Variants in THG1L observed in about 807,000 individuals in gnomAD.
THG1L encodes the protein tRNA-histidine guanylyltransferase 1 like.
A neutral mutation model predicts 35.2 loss-of-function variants in THG1L; 27 were observed. The observed-to-expected ratio is 0.77, with a 90% CI of 0.57 to 1.06. The LOEUF (loss-of-function observed/expected upper bound fraction) is 1.06, where lower values mean the gene tolerates loss of function less well. THG1L is among the 50% of genes least tolerant of loss of function. The pLI is 0.00. For missense variants in THG1L, 377 were observed against 371.8 expected, an observed-to-expected ratio of 1.01 and a Z score of -0.12; for synonymous variants, 135 against 132.4, an observed-to-expected ratio of 1.02 and a Z score of -0.14.
chr5:157,736,078 G>C lies in THG1L; in HGVS notation c.627+144G>C. ...TTGAAAGGATATAAAAATCATAATAGGAGCAGCTCTGCTGCCTGCTTGGTC... is the reference window on the plus strand; with the variant it reads ...TTGAAAGGATATAAAAATCATAATACGAGCAGCTCTGCTGCCTGCTTGGTC... On this transcript the variant is annotated intron_variant, in intron 4 of 5. Coordinates refer to ENST00000231198, the MANE Select transcript of THG1L (RefSeq NM_017872.5). The C allele has an allele frequency of 4.8e-6, 3 of 623,350 alleles. No homozygotes were observed. In the East Asian group the frequency reaches 9.4e-5, roughly 19 times the overall value. The allele number at this position is 623,350 out of a possible 1,614,324, so 38.6% of individuals were successfully genotyped here.
rs1760715423 is a variant in THG1L at position 157,731,521 on chromosome 5, G to T, written c.81G>T (p.Gly27=). The T allele has an allele frequency of 6.2e-7, 1 of 1,613,068 alleles. No homozygotes were observed. Among genetic ancestry groups the T allele is most frequent in the Admixed American group, 1.7e-5 (1 of 59,856 alleles). Residue 27 remains glycine, a synonymous_variant, in exon 1 of 6, where the codon GGG becomes GGT. Coordinates refer to ENST00000231198, the MANE Select transcript of THG1L (RefSeq NM_017872.5). ...CTCTGAGACGGTACCTGAGATTGGG[G>T]GCGACCATGGCAAAAAGCAAGTTCG... The part of the protein sequence containing the change: ...SITLRRYLRL[G]ATMAKSKFEY...
At chr5:157,732,611 A>G (rs766761534) in intron 1 of THG1L, among the ~76,000 whole-genome samples, 1 of 152,190 alleles carries the variant, frequency 6.6e-6, no homozygotes, top group East Asian at 1.9e-4. Flanking sequence ...GGACAACCCA[A>G]TGAGGTAAAT....
intron 2 of THG1L, 86 bp from the exon 3 acceptor site, chr5:157,734,490 G>T (rs1207295376): frequency 1.8e-5 from 27 of 1,509,458 alleles, no homozygotes; most frequent in Admixed American, 5.3e-5. Context: ...ACTCTCTGTG[G>T]TACCCACAGG....
intron 4 of THG1L, among the ~76,000 whole-genome samples, chr5:157,737,044 C>G (rs1259648174): frequency 6.6e-6 from 1 of 151,694 alleles, no homozygotes; most frequent in East Asian, 1.9e-4. Context: ...GCAGTCCGCC[C>G]ACCTCAGCCT....
chr5:157,731,887 CAG>C (rs1760733122), intron 1 of THG1L, among the ~76,000 whole-genome samples: 1 of 152,212 alleles, frequency 6.6e-6, no homozygotes, highest in South Asian at 2.1e-4. Context: ...GTTAAGTGAA[CAG>C]AGACTTGTTA....
At position 157,737,870 on chromosome 5, in the gene THG1L, T is replaced by C. The variant is rs984723027; in HGVS notation, c.628-17T>C. 5.6e-6 allele frequency: 9 copies of C among 1,599,350 alleles called. No individual in the cohort carries two copies. In the African/African-American group the frequency reaches 1.1e-4, roughly 19 times the overall value. ...GAAGACATGCAGAGCTTTTAATATC[T>C]ATTTTTATTTTCTCAGGGAACTCTT... On this transcript the variant is annotated splice_polypyrimidine_tract_variant and intron_variant, in intron 4 of 5. Transcript: ENST00000231198.
At chr5:157,734,865 C>A in intron 3 of THG1L, 120 bp downstream of exon 3, 1 of 1,050,076 alleles carries the variant, frequency 9.5e-7, no homozygotes, top group Non-Finnish European at 1.3e-6. Context: ...GTACAGAATG[C>A]AGTATTTAAA....
At position 157,733,049 on chromosome 5, in the gene THG1L, T is replaced by G. The variant is rs1760771674; in HGVS notation, c.368+5T>G. On this transcript the variant is annotated splice_donor_5th_base_variant and intron_variant, in intron 2 of 5. Coordinates refer to ENST00000231198, the MANE Select transcript of THG1L (RefSeq NM_017872.5). The stretch of plus-strand genomic sequence containing the variant: ...TTGGTTTAAAAGAAGAGCCAGGTAA[T>G]TCCATGACCTAACTCCTTTCTTCAG... 7.4e-6 allele frequency: 12 copies of G among 1,613,460 alleles called. No homozygotes were observed. The highest frequency in any genetic ancestry group is 1.0e-5 in the Non-Finnish European group (12 of 1,179,460).
chr5:157,732,768 T>C, intron 1 of THG1L, 100 bp from the exon 2 acceptor site: 1 of 1,415,732 alleles, frequency 7.1e-7, no homozygotes, highest in Admixed American at 1.9e-5. Context: ...ACAGTGCTAT[T>C]ACATTATCTT....
At position 157,739,493 on chromosome 5, in the gene THG1L, C is replaced by A. The variant is rs759876579; in HGVS notation, c.*11C>A. On this transcript the variant is annotated 3_prime_UTR_variant, in exon 6 of 6. Transcript: ENST00000231198. ...GATGAAGACAGCTGACCCTTTTGCG[C>A]TTCAGTTCTGGTGTGCTTAACCATG... 1.2e-5 allele frequency: 19 copies of A among 1,609,408 alleles called. No homozygotes were observed. The highest frequency in any genetic ancestry group is 1.6e-5 in the Non-Finnish European group (19 of 1,177,872).
intron 5 of THG1L, chr5:157,738,609 G>A: frequency 2.4e-6 from 1 of 408,882 alleles, no homozygotes; most frequent in South Asian, 1.8e-5. Context: ...TTTCTGAAAT[G>A]AATGTTTTCA....
chr5:157,737,134 T>G (rs1167363311), intron 4 of THG1L, among the ~76,000 whole-genome samples: 2 of 152,130 alleles, frequency 1.3e-5, no homozygotes, highest in African/African-American at 2.4e-5. Context: ...TACATTATGT[T>G]TGCTCAATAA....
intron 2 of THG1L, among the ~76,000 whole-genome samples, chr5:157,734,158 C>T (rs1343237713): frequency 4.6e-5 from 7 of 152,028 alleles, no homozygotes; most frequent in East Asian, 1.9e-4. Flanking sequence ...GAGGCTGAGG[C>T]AGGCAGATGA....
Position 157,733,061 on chromosome 5 carries a change from A to T in THG1L, c.368+17A>T. Reference sequence around the variant, plus strand: ...AAGAGCCAGGTAATTCCATGACCTAACTCCTTTCTTCAGAATATTTCCTCC... The same window carrying T: ...AAGAGCCAGGTAATTCCATGACCTATCTCCTTTCTTCAGAATATTTCCTCC... On this transcript the variant is annotated intron_variant, in intron 2 of 5. Transcript: ENST00000231198. The T allele has an allele frequency of 6.2e-7, 1 of 1,610,076 alleles. No homozygotes were observed. Among genetic ancestry groups the T allele is most frequent in the Non-Finnish European group, 8.5e-7 (1 of 1,176,844 alleles).
intron 2 of THG1L, 136 bp from the exon 3 acceptor site, chr5:157,734,440 C>A: frequency 9.9e-7 from 1 of 1,013,746 alleles, no homozygotes; most frequent in Non-Finnish European, 1.5e-6. Flanking sequence ...GTTTCTTAGC[C>A]AAATGCATTT....
At position 157,732,215 on chromosome 5, in the gene THG1L, CAAAAAAAAAAAAAAAA is replaced by C. The variant is rs34744387; in HGVS notation, c.191+598_191+613del. ...TGTTGTTTGTGAAACTCCGCCACTA[CAAAAAAAAAAAAAAAA>C]AAAAAAAAAAAAAGAGAGAGAGAGA... On this transcript the variant is annotated intron_variant, in intron 1 of 5. Transcript: ENST00000231198. 3.5e-4 allele frequency among the ~76,000 whole-genome samples: 19 copies of C among 53,902 alleles called. No homozygotes were observed. In the South Asian group the frequency reaches 0.01, roughly 30 times the overall value. 35.4% of individuals were successfully genotyped at this position (53,902 alleles called of 152,430 possible).
intron 2 of THG1L, among the ~76,000 whole-genome samples, chr5:157,733,314 C>G (rs1270004261): frequency 6.6e-6 from 1 of 152,172 alleles, no homozygotes; most frequent in African/African-American, 2.4e-5. Flanking sequence ...GAAACAGAGA[C>G]TATAAGAATG....
rs530180354 is a variant in THG1L, at chr5:157,738,066, C to T, written c.735+72C>T. The T allele has an allele frequency of 1.3e-5, 16 of 1,186,770 alleles. No individual in the cohort carries two copies. In the African/African-American group the frequency reaches 2.0e-4, roughly 15 times the overall value. 73.5% of individuals were successfully genotyped at this position (1,186,770 alleles called of 1,614,324 possible). On this transcript the variant is annotated intron_variant, in intron 5 of 5. Transcript: ENST00000231198. ...AGCCTGTGCCCATTCCAAGCTGTGC[C>T]CTCCCTGCTGCCTGTATGCTGATGT...
At chr5:157,738,398 A>G (rs1365556126) in intron 5 of THG1L, among the ~76,000 whole-genome samples, 4 of 152,218 alleles carry the variant, frequency 2.6e-5, no homozygotes, top group East Asian at 3.8e-4. Flanking sequence ...GCACTAAGAG[A>G]CAATGTATAT....
Sources: allele counts gnomAD v4.1 joint callset (sites outside exome capture counted in the v4.1 genomes callset), GRCh38; gene constraint gnomAD v4.1.1; transcripts MANE v1.5; gene names NCBI Gene and HGNC (gene_info 2026-07-23, HGNC 2026-07-21).